The following DRICH1 variants were observed in gnomAD, a reference collection of about 807,000 sequenced individuals.
DRICH1 encodes the protein aspartate-rich protein 1.
A neutral mutation model predicts 39.5 loss-of-function variants in DRICH1; 38 were observed. The observed-to-expected ratio is 0.96, with a 90% CI of 0.74 to 1.26. DRICH1 has a LOEUF of 1.26. Among genes scored for constraint, DRICH1 ranks in the 50% most tolerant of loss-of-function variants. DRICH1 has a pLI of 0.00. For synonymous variants in DRICH1, 84 were observed against 99.5 expected (o/e 0.84, Z 0.93); for missense variants, 279 against 270.4 (o/e 1.03, Z -0.22).
At chr22:23,623,368 G>T (rs1466463513) in intron 3 of DRICH1, among the ~76,000 whole-genome samples, 5 of 151,400 alleles carry the variant, frequency 3.3e-5, no homozygotes, top group African/African-American at 9.8e-5. Flanking sequence ...TCACATCACT[G>T]CACCCCAGTA....
rs746724033 is a variant in DRICH1, at chr22:23,625,994, T to C, written c.263A>G (p.Asn88Ser). The change falls in exon 2 of 12, where the codon AAT becomes AGT. Residue 88 changes from asparagine (N) to serine (S), a missense_variant. By Grantham distance (46) the Asn-to-Ser change is conservative. Coordinates refer to ENST00000317749, the MANE Select transcript of DRICH1 (RefSeq NM_016449.4). ...AGGGGGTCTTACCTTGGCATCATCA[T>C]TGTCTTCCTCACTTGATGGCAGAAA... ...LKFLPSSEEDNDDAKILPSPV... is the reference protein window; with the variant it reads ...LKFLPSSEEDSDDAKILPSPV... The C allele has an allele frequency of 3.7e-6, 6 of 1,611,710 alleles. No homozygotes were observed. The highest frequency in any genetic ancestry group is 1.7e-5 in the Admixed American group (1 of 59,844).
chr22:23,607,299 G>A (rs1390308714), downstream of DRICH1: 1 of 152,348 alleles, frequency 6.6e-6, no homozygotes, highest in Non-Finnish European at 1.5e-5. Context: ...CAACCCTCCA[G>A]GGAGGCGATG....
At chr22:23,596,021 C>A in the DRICH1 span, among the ~76,000 whole-genome samples, 4 of 152,228 alleles carry the variant, frequency 2.6e-5, no homozygotes, top group Admixed American at 6.5e-5. Flanking sequence ...CCTGTCTTCT[C>A]ACCGGAGCTC....
At chr22:23,591,049 C>T in the DRICH1 span, among the ~76,000 whole-genome samples, 1,397 of 152,308 alleles carry the variant, frequency 9.2e-3, 24 homozygotes, top group African/African-American at 0.032. Flanking sequence ...CTGTCTTCCT[C>T]AAACCTTCTC....
downstream of DRICH1, among the ~76,000 whole-genome samples, chr22:23,605,468 G>A (rs1487819365): frequency 1.3e-5 from 2 of 152,182 alleles, no homozygotes; most frequent in Non-Finnish European, 2.9e-5. Flanking sequence ...TGCTCGGGGA[G>A]GTGGCCCCTG....
intron 8 of DRICH1, among the ~76,000 whole-genome samples, chr22:23,615,629 C>T (rs1225925820): frequency 2.0e-5 from 3 of 152,212 alleles, no homozygotes; most frequent in African/African-American, 7.2e-5. Context: ...AAACTGGCAA[C>T]AGCCATCTGT....
the DRICH1 span, among the ~76,000 whole-genome samples, chr22:23,589,089 G>C: frequency 1.4e-5 from 2 of 143,822 alleles, no homozygotes; most frequent in African/African-American, 5.1e-5. Flanking sequence ...TCTCCCAGCT[G>C]ACACACACAC....
intron 7 of DRICH1, among the ~76,000 whole-genome samples, 158 bp downstream of exon 7, chr22:23,617,417 G>A (rs1434251373): frequency 6.6e-6 from 1 of 152,150 alleles, no homozygotes; most frequent in African/African-American, 2.4e-5. Flanking sequence ...CTCCTGCTTG[G>A]ATTGGCAATG....
the DRICH1 span, among the ~76,000 whole-genome samples, chr22:23,588,336 G>A: frequency 1.3e-5 from 2 of 152,174 alleles, no homozygotes; most frequent in African/African-American, 4.8e-5. Flanking sequence ...ATGTTGGCCA[G>A]GCTGGTCTTG....
intron 11 of DRICH1, among the ~76,000 whole-genome samples, chr22:23,612,738 C>T (rs1323375191): frequency 2.0e-5 from 3 of 152,038 alleles, no homozygotes; most frequent in Non-Finnish European, 4.4e-5. Context: ...TACCAGTGAC[C>T]CCAGAGTGAA....
chr22:23,602,714 G>A, the DRICH1 span, among the ~76,000 whole-genome samples: 1 of 151,932 alleles, frequency 6.6e-6, no homozygotes, highest in African/African-American at 2.4e-5. Flanking sequence ...AAATTTGGGG[G>A]GGGGTGGAAA....
At chr22:23,625,315 AAATT>A (rs1263462408) in intron 2 of DRICH1, among the ~76,000 whole-genome samples, 1 of 152,094 alleles carries the variant, frequency 6.6e-6, no homozygotes, top group African/African-American at 2.4e-5. Context: ...TTTTATATCA[AAATT>A]AATTGAGAAG....
chr22:23,622,213 G>A (rs1927786110), intron 3 of DRICH1, 37 bp from the exon 4 acceptor site: 2 of 1,589,306 alleles, frequency 1.3e-6, no homozygotes, highest in Non-Finnish European at 8.6e-7. Context: ...TGCCCTGGTT[G>A]ATTGTGACTG....
intron 2 of DRICH1, 111 bp from the exon 3 acceptor site, chr22:23,625,015 G>A: frequency 4.9e-6 from 6 of 1,236,906 alleles, no homozygotes; most frequent in Non-Finnish European, 7.0e-6. Flanking sequence ...TGAAACAGTG[G>A]TTGAGTCCAT....
chr22:23,610,083 G>A (rs966604144), intron 11 of DRICH1, among the ~76,000 whole-genome samples: 9 of 151,996 alleles, frequency 5.9e-5, no homozygotes, highest in African/African-American at 1.5e-4. Flanking sequence ...TGCCCTGGCC[G>A]TCTCTCCTCC....
At chr22:23,592,900 C>T in the DRICH1 span, among the ~76,000 whole-genome samples, 2 of 151,420 alleles carry the variant, frequency 1.3e-5, no homozygotes, top group East Asian at 3.9e-4. Context: ...GGCATGATGG[C>T]ACACACCTGT....
intron 8 of DRICH1, among the ~76,000 whole-genome samples, chr22:23,614,699 T>C (rs1182833988): frequency 6.6e-6 from 1 of 152,260 alleles, no homozygotes; most frequent in Non-Finnish European, 1.5e-5. Context: ...AATGACACTT[T>C]CTTTTTCATA....
the DRICH1 span, among the ~76,000 whole-genome samples, chr22:23,591,936 G>T: frequency 6.6e-6 from 1 of 151,972 alleles, no homozygotes; most frequent in Admixed American, 6.6e-5. Context: ...TGGGGGAGGG[G>T]TGTGGAGGGG....
At chr22:23,584,347 C>T in the DRICH1 span, among the ~76,000 whole-genome samples, 3 of 152,158 alleles carry the variant, frequency 2.0e-5, no homozygotes, top group East Asian at 1.9e-4. Flanking sequence ...GCCCTGCTCC[C>T]GTGTTTGTGG....
Sources: gnomAD v4.1 joint callset for allele counts (sites outside exome capture counted in the v4.1 genomes callset) on GRCh38, gnomAD v4.1.1 for gene constraint, MANE v1.5 for transcripts, NCBI Gene and HGNC (gene_info 2026-07-23, HGNC 2026-07-21) for gene names.